AKR7A3: variants seen among roughly 807,000 people sequenced by gnomAD.
AKR7A3 encodes aldo-keto reductase family 7 member A3, also known as AFB1 aldehyde reductase 2.
Under a neutral mutation model 32.5 loss-of-function variants are expected in AKR7A3, and 37 were observed. The observed-to-expected ratio is 1.14, with a 90% CI of 0.88 to 1.50. AKR7A3 has a LOEUF of 1.50. AKR7A3 is among the 40% of genes most tolerant of loss of function. The probability of loss-of-function intolerance (pLI) is 0.00; values close to 1 mark genes in which losing one functional copy is unlikely to be tolerated. For synonymous variants in AKR7A3, 177 were observed against 188.4 expected (o/e 0.94, Z 0.50); for missense variants, 412 against 453.2 (o/e 0.91, Z 0.83).
In AKR7A3 at chr1:19,284,050, G is replaced by T; in HGVS notation, c.780C>A (p.Ala260=). 6.2e-7 allele frequency: 1 copy of T among 1,613,720 alleles called. No homozygotes were observed. Among genetic ancestry groups the T allele is most frequent in the Non-Finnish European group, 8.5e-7 (1 of 1,179,872 alleles). ...GGAGGGTGGCCGAGGTCATGCTGGGGGCGCTGGCGCCATACGCGGCCTGCA... is the reference window on the plus strand; with the variant it reads ...GGAGGGTGGCCGAGGTCATGCTGGGTGCGCTGGCGCCATACGCGGCCTGCA... ...KALQAAYGAS[A]PSMTSATLRW... Residue 260 remains alanine, a synonymous_variant, in exon 6 of 7, where the codon GCC becomes GCA. Coordinates refer to ENST00000361640, the MANE Select transcript of AKR7A3 (RefSeq NM_012067.3).
chr1:19,274,858 A>G, the AKR7A3 span, among the ~76,000 whole-genome samples: 6 of 138,148 alleles, frequency 4.3e-5, no homozygotes, highest in Non-Finnish European at 9.2e-5. Flanking sequence ...GCTCCACTGC[A>G]CTCCGCCCTG....
chr1:19,284,568 A>C (rs1391084960), intron 5 of AKR7A3, 118 bp downstream of exon 5: 2 of 1,121,620 alleles, frequency 1.8e-6, no homozygotes, highest in Non-Finnish European at 2.6e-6. Flanking sequence ...TTCCCGAAGA[A>C]ATTCAGGGGA....
intron 2 of AKR7A3, 59 bp downstream of exon 2, chr1:19,286,126 A>T (rs992583296): frequency 5.6e-6 from 9 of 1,597,608 alleles, no homozygotes; most frequent in Non-Finnish European, 7.7e-6. Flanking sequence ...TCTCACCATT[A>T]GGATCAGGAT....
downstream of AKR7A3, among the ~76,000 whole-genome samples, chr1:19,279,961 G>A (rs907427512): frequency 2.0e-5 from 3 of 151,108 alleles, no homozygotes; most frequent in African/African-American, 7.4e-5. Flanking sequence ...CATCGTTAGT[G>A]TGAGTGTATT....
At position 19,285,130 on chromosome 1, in the gene AKR7A3, C is replaced by T. The variant is rs180983135; in HGVS notation, c.508-16G>A. On this transcript the variant is annotated splice_polypyrimidine_tract_variant and intron_variant, in intron 3 of 6. Transcript: ENST00000361640. Reference sequence around the variant, plus strand: ...TGTACATGCCCTGTAAGGAGAGGGGCCCCGGGGGAGAGGGTGGATGTGTCA... The same window carrying T: ...TGTACATGCCCTGTAAGGAGAGGGGTCCCGGGGGAGAGGGTGGATGTGTCA... The T allele has an allele frequency of 1.9e-5, 30 of 1,613,146 alleles. No homozygotes were observed. Among genetic ancestry groups the T allele is most frequent in the East Asian group, 1.1e-4 (5 of 44,870 alleles).
chr1:19,276,485 T>G, the AKR7A3 span, among the ~76,000 whole-genome samples: 137,462 of 151,510 alleles, frequency 0.91, 62,579 homozygotes, highest in African/African-American at 0.92. Context: ...TACTATATTT[T>G]GAGGCATAAA....
chr1:19,275,866 T>C, the AKR7A3 span, among the ~76,000 whole-genome samples: 1 of 151,936 alleles, frequency 6.6e-6, no homozygotes, highest in Admixed American at 6.5e-5. Context: ...CCTATCATAA[T>C]GACAGAGGTC....
downstream of AKR7A3, among the ~76,000 whole-genome samples, chr1:19,281,280 G>T (rs952374333): frequency 6.6e-6 from 1 of 151,924 alleles, no homozygotes; most frequent in Middle Eastern, 3.4e-3. Context: ...AGCATGTTTT[G>T]GGTATCCTGG....
At chr1:19,274,824 G>A in the AKR7A3 span, among the ~76,000 whole-genome samples, 2 of 142,520 alleles carry the variant, frequency 1.4e-5, no homozygotes, top group Non-Finnish European at 3.0e-5. Context: ...ATGGACCAAC[G>A]CCCAGCTGCA....
Position 19,288,628 on chromosome 1 carries a change from T to C in AKR7A3, c.82A>G (p.Ser28Gly), listed in dbSNP as rs552561219. The change falls in exon 1 of 7, where the codon AGC (serine) becomes GGC (glycine). Residue 28 changes from serine to glycine, a missense_variant. Physicochemically the swap from Ser to Gly is moderately conservative, Grantham distance 56 (BLOSUM62 0). Transcript: ENST00000361640. ...EMGRRMDAPT[S>G]AAVTRAFLER... ...AGGAAGGCGCGCGTGACTGCGGCGC[T>C]GGTGGGCGCGTCCATGCGGCGCCCC... 6.5e-5 allele frequency: 101 copies of C among 1,559,594 alleles called. No individual in the cohort carries two copies. The highest frequency in any genetic ancestry group is 2.2e-4 in the Middle Eastern group (1 of 4,454).
At chr1:19,279,395 C>T (rs1455306563), downstream of AKR7A3, among the ~76,000 whole-genome samples, 2 of 151,780 alleles carry the variant, frequency 1.3e-5, no homozygotes, top group Non-Finnish European at 2.9e-5. Context: ...AAACTCATGC[C>T]CAAGTTTTTT....
At chr1:19,274,643 A>G in the AKR7A3 span, among the ~76,000 whole-genome samples, 1 of 151,716 alleles carries the variant, frequency 6.6e-6, no homozygotes, top group African/African-American at 2.4e-5. Context: ...TCTGTACCTA[A>G]GTGAAACAAA....
the AKR7A3 span, among the ~76,000 whole-genome samples, chr1:19,276,168 C>T: frequency 2.0e-5 from 3 of 151,400 alleles, no homozygotes; most frequent in Non-Finnish European, 4.4e-5. Context: ...CAAGATCAGC[C>T]TGGCCAAGAT....
intron 1 of AKR7A3, 54 bp from the exon 2 acceptor site, chr1:19,286,426 A>G: frequency 6.4e-7 from 1 of 1,568,504 alleles, no homozygotes; most frequent in Non-Finnish European, 8.7e-7. Context: ...TCATGCCTGT[A>G]ATCCCAGCAC....
intron 1 of AKR7A3, among the ~76,000 whole-genome samples, chr1:19,287,572 C>T (rs1265851833): frequency 6.6e-6 from 1 of 152,082 alleles, no homozygotes; most frequent in East Asian, 1.9e-4. Context: ...CTGCAAATGG[C>T]ATCAGACTGA....
chr1:19,284,963 T>G, intron 4 of AKR7A3, 55 bp downstream of exon 4: 3 of 1,609,390 alleles, frequency 1.9e-6, no homozygotes, highest in East Asian at 2.2e-5. Flanking sequence ...GGTCCTGGGC[T>G]GGGCATCTGT....
the AKR7A3 span, among the ~76,000 whole-genome samples, chr1:19,274,516 T>C: frequency 1.6e-4 from 25 of 151,866 alleles, no homozygotes; most frequent in East Asian, 2.3e-3. Flanking sequence ...AAGTAAGGGC[T>C]GTCCTGCCTG....
At chr1:19,279,809 T>C (rs1169218711), downstream of AKR7A3, among the ~76,000 whole-genome samples, 1 of 151,950 alleles carries the variant, frequency 6.6e-6, no homozygotes, top group Non-Finnish European at 1.5e-5. Context: ...GTTCTTTATA[T>C]AATTCAAGCT....
chr1:19,275,813 A>G, the AKR7A3 span, among the ~76,000 whole-genome samples: 1 of 151,870 alleles, frequency 6.6e-6, no homozygotes, highest in African/African-American at 2.4e-5. Context: ...TCAAATCAAC[A>G]ACAAAAACAA....
Sources: allele counts gnomAD v4.1 joint callset (sites outside exome capture counted in the v4.1 genomes callset), GRCh38; gene constraint gnomAD v4.1.1; transcripts MANE v1.5; gene names NCBI Gene and HGNC (gene_info 2026-07-23, HGNC 2026-07-21).